GRM7: variants seen among roughly 807,000 people sequenced by gnomAD.
The protein encoded by GRM7 is metabotropic glutamate receptor 7.
Under a neutral mutation model 84.5 loss-of-function variants are expected in GRM7, and 35 were observed. The ratio of observed to expected loss-of-function variants is 0.41; its 90% CI spans 0.32 to 0.55. GRM7 has a LOEUF of 0.55. Among genes scored for constraint, GRM7 ranks in the 20% least tolerant of loss-of-function variants. The probability of loss-of-function intolerance (pLI) is 0.19; values close to 1 mark genes in which losing one functional copy is unlikely to be tolerated. For missense variants in GRM7, 1,003 were observed against 1,194.6 expected (o/e 0.84, Z 2.36); for synonymous variants, 487 against 455.1 (o/e 1.07, Z -0.89).
At chr3:7,312,851 G>C (rs1700449181) in intron 4 of GRM7, among the ~76,000 whole-genome samples, 1 of 151,798 alleles carries the variant, frequency 6.6e-6, no homozygotes, top group Non-Finnish European at 1.5e-5. Flanking sequence ...GCCATAAACT[G>C]TGATTGTCCC....
Position 7,343,839 on chromosome 3 carries a change from A to G in GRM7, c.1033+37187A>G, listed in dbSNP as rs369226403. ...CTTTTTATTGTTCTTTCATGTGTCT[A>G]CAGTCATGCAGTTGCCACGATATTC... On this transcript the variant is annotated intron_variant, in intron 4 of 9. Transcript: ENST00000357716. Among the ~76,000 whole-genome samples, 254 of 152,224 alleles carry G rather than the reference A, an allele frequency of 1.7e-3. 1 individual carries two copies. Among genetic ancestry groups the G allele is most frequent in the African/African-American group, 5.9e-3 (244 of 41,542 alleles).
At chr3:6,892,604 A>G (rs1423983782) in intron 1 of GRM7, 1 of 152,264 alleles carries the variant, frequency 6.6e-6, no homozygotes, top group East Asian at 1.9e-4. Context: ...TCTGAGAGTG[A>G]GGAAAAAGAA....
intron 8 of GRM7, among the ~76,000 whole-genome samples, chr3:7,614,493 G>C (rs1696991991): frequency 6.6e-6 from 1 of 152,086 alleles, no homozygotes; most frequent in African/African-American, 2.4e-5. Flanking sequence ...TATCTTTCTA[G>C]CATTTTCCTT....
chr3:7,405,916 A>T (rs1004039808), intron 4 of GRM7, among the ~76,000 whole-genome samples: 1 of 151,960 alleles, frequency 6.6e-6, no homozygotes, highest in African/African-American at 2.4e-5. Flanking sequence ...TGACACTGAC[A>T]TTCATTGTTA....
intron 5 of GRM7, among the ~76,000 whole-genome samples, chr3:7,417,352 T>TA (rs1211831148): frequency 1.3e-5 from 2 of 152,270 alleles, no homozygotes; most frequent in African/African-American, 4.8e-5. Flanking sequence ...CACCTATTGA[T>TA]ATGGTGGTCA....
At chr3:7,217,172 C>T (rs935316962) in intron 2 of GRM7, among the ~76,000 whole-genome samples, 2 of 152,058 alleles carry the variant, frequency 1.3e-5, no homozygotes, top group Admixed American at 1.3e-4. Flanking sequence ...TTAGGATGCC[C>T]AGATTCAGAG....
chr3:6,922,448 A>G (rs1225845927), intron 1 of GRM7, among the ~76,000 whole-genome samples: 2 of 152,206 alleles, frequency 1.3e-5, no homozygotes, highest in Admixed American at 6.5e-5. Flanking sequence ...GTTGGCTGTT[A>G]TATTTCCCTA....
intron 2 of GRM7, among the ~76,000 whole-genome samples, chr3:7,202,042 A>G (rs909883539): frequency 3.3e-5 from 5 of 151,764 alleles, no homozygotes; most frequent in Non-Finnish European, 7.4e-5. Flanking sequence ...CATCATTTTT[A>G]TCCTTCTATT....
rs1027439882 is a variant in GRM7 at position 7,411,755 on chromosome 3, A to G, written c.1034-3268A>G. Among the ~76,000 whole-genome samples the G allele has an allele frequency of 3.3e-5, 5 of 152,300 alleles. No individual in the cohort carries two copies. In the South Asian group the frequency reaches 6.2e-4, roughly 19 times the overall value. On this transcript the variant is annotated intron_variant, in intron 4 of 9. Transcript: ENST00000357716. ...TAGTTATTACAGGTATTACCACACT[A>G]CACATTCTTGAATGTATATTGTGGT... is the stretch of plus-strand genomic sequence containing the variant.
chr3:7,522,596 G>C (rs1373695573), intron 7 of GRM7, among the ~76,000 whole-genome samples: 1 of 152,062 alleles, frequency 6.6e-6, no homozygotes, highest in Non-Finnish European at 1.5e-5. Context: ...TTATGATGTA[G>C]GTATATCTGT....
chr3:7,652,430 T>A (rs1698987276), intron 8 of GRM7, among the ~76,000 whole-genome samples: 1 of 152,170 alleles, frequency 6.6e-6, no homozygotes, highest in Non-Finnish European at 1.5e-5. Flanking sequence ...ATAAACAGAC[T>A]CATGGAAGGA....
intron 4 of GRM7, among the ~76,000 whole-genome samples, chr3:7,312,081 A>G (rs142212516): frequency 5.9e-5 from 9 of 152,310 alleles, no homozygotes; most frequent in African/African-American, 1.9e-4. Context: ...AGGAGAGCTG[A>G]ATATTGATGA....
At chr3:7,067,780 G>C (rs958267976) in intron 1 of GRM7, among the ~76,000 whole-genome samples, 3 of 151,894 alleles carry the variant, frequency 2.0e-5, no homozygotes, top group Admixed American at 6.6e-5. Flanking sequence ...CTAGCTATGT[G>C]CCCATGAGGA....
intron 9 of GRM7, among the ~76,000 whole-genome samples, chr3:7,732,393 T>G (rs1490701145): frequency 1.3e-5 from 2 of 152,014 alleles, no homozygotes; most frequent in African/African-American, 4.8e-5. Flanking sequence ...TTCACCCTGG[T>G]TGTGTATGAG....
At chr3:7,624,032 A>G (rs1220486017) in intron 8 of GRM7, among the ~76,000 whole-genome samples, 1 of 152,190 alleles carries the variant, frequency 6.6e-6, no homozygotes, top group African/African-American at 2.4e-5. Context: ...AGTTTATCAG[A>G]CTGAGCTTAG....
intron 4 of GRM7, among the ~76,000 whole-genome samples, chr3:7,336,085 A>G (rs764379628): frequency 3.1e-4 from 44 of 142,256 alleles, no homozygotes; most frequent in Non-Finnish European, 5.7e-4. Context: ...CCAGGAAAGA[A>G]CGTAACAAAA....
At chr3:6,968,157 C>T (rs1241129680) in intron 1 of GRM7, among the ~76,000 whole-genome samples, 1 of 152,148 alleles carries the variant, frequency 6.6e-6, no homozygotes, top group Non-Finnish European at 1.5e-5. Context: ...TTCCAAGGCT[C>T]TAGGGAAAGT....
At chr3:7,242,863 T>C (rs1007646294) in intron 2 of GRM7, among the ~76,000 whole-genome samples, 2 of 152,166 alleles carry the variant, frequency 1.3e-5, no homozygotes, top group Admixed American at 1.3e-4. Context: ...CCCTCCTGGC[T>C]GAACAGTATG....
intron 1 of GRM7, among the ~76,000 whole-genome samples, chr3:7,025,902 G>A (rs1160197524): frequency 1.3e-5 from 2 of 152,166 alleles, no homozygotes; most frequent in Non-Finnish European, 2.9e-5. Context: ...GGCATCAGAA[G>A]TAATGCAGCA....
Sources: gnomAD v4.1 joint callset for allele counts (sites outside exome capture counted in the v4.1 genomes callset) on GRCh38, gnomAD v4.1.1 for gene constraint, MANE v1.5 for transcripts, NCBI Gene and HGNC (gene_info 2026-07-23, HGNC 2026-07-21) for gene names.